SP140: variants seen among roughly 807,000 people sequenced by gnomAD.
SP140 encodes the protein SP140 nuclear body protein, also known as nuclear body protein SP140.
SP140 carries 81 observed loss-of-function variants against 125.0 expected under a neutral mutation model. The ratio of observed to expected loss-of-function variants is 0.65; its 90% CI spans 0.54 to 0.78. The LOEUF (loss-of-function observed/expected upper bound fraction) is 0.78, where lower values mean the gene tolerates loss of function less well. Ranked by LOEUF, SP140 falls within the 30% of genes least tolerant of loss-of-function variation. The probability of loss-of-function intolerance (pLI) is 0.00; values close to 1 mark genes in which losing one functional copy is unlikely to be tolerated. For missense variants in SP140, 858 were observed against 1,037.0 expected (o/e 0.83, Z 2.37); for synonymous variants, 312 against 354.0 (o/e 0.88, Z 1.33).
chr2:230,284,123 G>A (rs55796826), intron 15 of SP140, among the ~76,000 whole-genome samples: 11,935 of 152,148 alleles, frequency 0.078, 651 homozygotes, highest in South Asian at 0.19. Context: ...TCAAAGGAAC[G>A]TCATCTCCTG....
chr2:230,316,231 C>T (rs372966500), downstream of SP140, among the ~76,000 whole-genome samples: 1 of 152,252 alleles, frequency 6.6e-6, no homozygotes, highest in East Asian at 1.9e-4. Context: ...GGGAGAGAAA[C>T]GTTACAAAGA....
chr2:230,206,746 T>C (rs1212966529), intron 1 of SP140, among the ~76,000 whole-genome samples: 1 of 150,968 alleles, frequency 6.6e-6, no homozygotes, highest in East Asian at 2.0e-4. Context: ...CACAGAAATG[T>C]ATGCAATATA....
intron 12 of SP140, among the ~76,000 whole-genome samples, chr2:230,264,227 G>A (rs185748500): frequency 1.4e-3 from 214 of 152,144 alleles, no homozygotes; most frequent in African/African-American, 4.7e-3. Context: ...TTGTCTTTGA[G>A]CTCTGAATTT....
At chr2:230,212,806 C>A in intron 1 of SP140, 1 of 1,614,130 alleles carries the variant, frequency 6.2e-7, no homozygotes, top group Non-Finnish European at 8.5e-7. Flanking sequence ...AGAGGCAGGA[C>A]AGGGTCAGAT....
chr2:230,251,083 G>A, intron 10 of SP140, 22 bp downstream of exon 10: 1 of 1,601,108 alleles, frequency 6.2e-7, no homozygotes, highest in Admixed American at 1.7e-5. Context: ...GAGGATTTCT[G>A]GCCCTGGGCT....
chr2:230,290,159 T>C (rs536593996), intron 18 of SP140, among the ~76,000 whole-genome samples: 41 of 152,192 alleles, frequency 2.7e-4, no homozygotes, highest in Non-Finnish European at 5.4e-4. Flanking sequence ...ACAGCAACTG[T>C]GTTTCATTGT....
chr2:230,258,433 C>T (rs1312252693), intron 12 of SP140, among the ~76,000 whole-genome samples: 1 of 152,182 alleles, frequency 6.6e-6, no homozygotes, highest in Non-Finnish European at 1.5e-5. Flanking sequence ...CAATACTATC[C>T]TATTTATTCC....
chr2:230,283,233 G>A (rs1231662793), intron 15 of SP140, among the ~76,000 whole-genome samples: 1 of 152,186 alleles, frequency 6.6e-6, no homozygotes, highest in Admixed American at 6.5e-5. Context: ...TATCACCAAT[G>A]CTCCTGTTTT....
chr2:230,293,254 A>G (rs2057331827), intron 20 of SP140, among the ~76,000 whole-genome samples: 1 of 152,246 alleles, frequency 6.6e-6, no homozygotes, highest in Admixed American at 6.5e-5. Flanking sequence ...ATGCCAGGCT[A>G]AGGAGTTTAA....
chr2:230,212,266 C>A (rs1296584463), intron 1 of SP140: 3 of 1,041,990 alleles, frequency 2.9e-6, no homozygotes, highest in East Asian at 4.8e-5. Flanking sequence ...GGGTTCCCAC[C>A]ATAGCCTCTT....
intron 15 of SP140, among the ~76,000 whole-genome samples, chr2:230,275,573 C>T (rs1322183440): frequency 6.6e-6 from 1 of 152,096 alleles, no homozygotes; most frequent in Non-Finnish European, 1.5e-5. Context: ...TGTCTCTCTC[C>T]CTCTCTTTGA....
At chr2:230,189,460 G>C in the SP140 span, among the ~76,000 whole-genome samples, 4 of 152,262 alleles carry the variant, frequency 2.6e-5, no homozygotes, top group South Asian at 8.3e-4. Flanking sequence ...TTCAGGAGCA[G>C]ATTATTTAAT....
At chr2:230,288,023 G>A (rs556727155) in intron 18 of SP140, 57 bp downstream of exon 18, 58 of 1,399,006 alleles carry the variant, frequency 4.1e-5, no homozygotes, top group Non-Finnish European at 5.5e-5. Context: ...TTCCTGTGCG[G>A]TACACTGTAC....
chr2:230,244,553 G>A (rs16826932), intron 5 of SP140, among the ~76,000 whole-genome samples: 12,170 of 152,162 alleles, frequency 0.08, 710 homozygotes, highest in South Asian at 0.19. Context: ...TTCAGCAAAA[G>A]CATTTCCATG....
intron 18 of SP140, among the ~76,000 whole-genome samples, chr2:230,289,361 T>G (rs2149472292): frequency 6.6e-6 from 1 of 152,366 alleles, no homozygotes; most frequent in South Asian, 2.1e-4. Flanking sequence ...TTCTGGATAT[T>G]AGCCCTTTGT....
At chr2:230,186,971 A>G in the SP140 span, among the ~76,000 whole-genome samples, 1 of 152,160 alleles carries the variant, frequency 6.6e-6, no homozygotes, top group Non-Finnish European at 1.5e-5. Context: ...ACATGTGTGT[A>G]GGTGTCTTCT....
At chr2:230,221,196 G>T (rs1470187203), upstream of SP140, among the ~76,000 whole-genome samples, 2 of 151,198 alleles carry the variant, frequency 1.3e-5, no homozygotes, top group Non-Finnish European at 2.9e-5. Context: ...CAGGAGAATT[G>T]CTTGAACCCA....
At chr2:230,315,881 A>G (rs1471296011), downstream of SP140, among the ~76,000 whole-genome samples, 1 of 152,210 alleles carries the variant, frequency 6.6e-6, no homozygotes, top group Non-Finnish European at 1.5e-5. Flanking sequence ...AGCCCCAATT[A>G]TAGTTGCTGT....
intron 12 of SP140, 40 bp from the exon 13 acceptor site, chr2:230,269,492 C>A: frequency 7.9e-7 from 1 of 1,273,624 alleles, no homozygotes; most frequent in South Asian, 1.2e-5. Flanking sequence ...TGGTCATTGT[C>A]TCAGGATCCT....
Sources: gnomAD v4.1 joint callset for allele counts (sites outside exome capture counted in the v4.1 genomes callset) on GRCh38, gnomAD v4.1.1 for gene constraint, MANE v1.5 for transcripts, NCBI Gene and HGNC (gene_info 2026-07-23, HGNC 2026-07-21) for gene names.